The following MYO16 variants were observed in gnomAD, a reference collection of about 807,000 sequenced individuals.
MYO16 encodes unconventional myosin-XVI.
Under a neutral mutation model 205.3 loss-of-function variants are expected in MYO16, and 94 were observed. The observed-to-expected ratio is 0.46, with a 90% CI of 0.39 to 0.54. The LOEUF (loss-of-function observed/expected upper bound fraction) is 0.54, where lower values mean the gene tolerates loss of function less well. Among genes scored for constraint, MYO16 ranks in the 20% least tolerant of loss-of-function variants. MYO16 has a pLI of 0.00. For missense variants in MYO16, 2,315 were observed against 2,387.5 expected (o/e 0.97, Z 0.63); for synonymous variants, 988 against 954.0 (o/e 1.04, Z -0.66).
chr13:108,946,933 G>A (rs995776353), intron 16 of MYO16, among the ~76,000 whole-genome samples: 1 of 151,970 alleles, frequency 6.6e-6, no homozygotes, highest in Non-Finnish European at 1.5e-5. Flanking sequence ...GTAGAGACTG[G>A]GTAATTAAAA....
At chr13:109,077,209 G>A (rs952215555) in intron 27 of MYO16, among the ~76,000 whole-genome samples, 2 of 151,940 alleles carry the variant, frequency 1.3e-5, no homozygotes, top group South Asian at 2.1e-4. Context: ...TAGTAGAGAC[G>A]GGATTTTGCG....
At chr13:108,636,987 A>G (rs1880282096) in intron 1 of MYO16, among the ~76,000 whole-genome samples, 1 of 152,234 alleles carries the variant, frequency 6.6e-6, no homozygotes, top group Non-Finnish European at 1.5e-5. Flanking sequence ...GATAGAAATC[A>G]TCAAATATGC....
intron 1 of MYO16, among the ~76,000 whole-genome samples, chr13:108,607,642 G>A (rs1879009936): frequency 6.6e-6 from 1 of 152,058 alleles, no homozygotes; most frequent in African/African-American, 2.4e-5. Context: ...ATAGCAGCAG[G>A]AAAATAAACT....
intron 23 of MYO16, among the ~76,000 whole-genome samples, chr13:109,044,109 C>CTACATGACCATG: frequency 6.6e-6 from 1 of 151,778 alleles, no homozygotes; most frequent in Non-Finnish European, 1.5e-5. Context: ...CCATGTCATT[C>CTACATGACCATG]ACTACAATTA....
the MYO16 span, among the ~76,000 whole-genome samples, chr13:108,573,328 T>C: frequency 1.3e-5 from 2 of 152,324 alleles, no homozygotes; most frequent in East Asian, 1.9e-4. Context: ...GTGGTAAATA[T>C]AGGTTACTTT....
the MYO16 span, among the ~76,000 whole-genome samples, chr13:108,523,277 T>A: frequency 2.6e-5 from 4 of 152,188 alleles, no homozygotes; most frequent in Non-Finnish European, 5.9e-5. Flanking sequence ...AAACTCAGAT[T>A]TCTGAATAAA....
At position 109,023,670 on chromosome 13, in the gene MYO16, A is replaced by AATATATGTATATATATATATATGT. The variant is rs1886222649; in HGVS notation, c.2796+3774_2796+3775insTATATATGTATATATGTATATATA. 1.8e-4 allele frequency among the ~76,000 whole-genome samples: 12 copies of AATATATGTATATATATATATATGT among 64,874 alleles called. 1 individual carries two copies. The highest frequency in any genetic ancestry group is 5.9e-4 in the African/African-American group (12 of 20,476). 42.6% of individuals were successfully genotyped at this position (64,874 alleles called of 152,430 possible). On this transcript the variant is annotated intron_variant, in intron 23 of 34. Transcript: ENST00000457511. ...ATATATGTATATATGTATATATGCA[A>AATATATGTATATATATATATATGT]ATATATGTATATATACATATATATG...
chr13:108,551,555 T>A, the MYO16 span, among the ~76,000 whole-genome samples: 2 of 152,196 alleles, frequency 1.3e-5, no homozygotes, highest in Non-Finnish European at 2.9e-5. Flanking sequence ...AACTGTCCTA[T>A]CTATGTATCT....
the MYO16 span, among the ~76,000 whole-genome samples, chr13:108,526,885 G>T: frequency 2.6e-5 from 4 of 152,156 alleles, no homozygotes; most frequent in Non-Finnish European, 5.9e-5. Flanking sequence ...TACTGTCAGG[G>T]TTATAACAAG....
chr13:108,767,324 G>A (rs1420931657), intron 4 of MYO16, among the ~76,000 whole-genome samples: 1 of 152,066 alleles, frequency 6.6e-6, no homozygotes, highest in Non-Finnish European at 1.5e-5. Flanking sequence ...GGACGGTCTC[G>A]ATCTCCTGAC....
At chr13:108,730,094 A>G (rs1397533699) in intron 4 of MYO16, among the ~76,000 whole-genome samples, 1 of 152,184 alleles carries the variant, frequency 6.6e-6, no homozygotes, top group Non-Finnish European at 1.5e-5. Context: ...AGCATATGAT[A>G]AGGTTCGGCC....
intron 1 of MYO16, among the ~76,000 whole-genome samples, chr13:108,660,690 A>T (rs1881464396): frequency 6.6e-6 from 1 of 152,170 alleles, no homozygotes. Flanking sequence ...GAGTCTCTTG[A>T]AGGCAGCAGA....
intron 14 of MYO16, among the ~76,000 whole-genome samples, chr13:108,896,149 A>G (rs1022967712): frequency 1.3e-5 from 2 of 152,190 alleles, no homozygotes; most frequent in Non-Finnish European, 2.9e-5. Context: ...TTCCAAGAAT[A>G]ATCAAAACAT....
the MYO16 span, among the ~76,000 whole-genome samples, chr13:108,555,788 A>T: frequency 6.6e-6 from 1 of 151,754 alleles, no homozygotes; most frequent in Non-Finnish European, 1.5e-5. Flanking sequence ...TCATTATTCT[A>T]CTCTCTACTT....
rs157024 is a variant in MYO16 at position 109,125,155 on chromosome 13, A to T, written c.3579A>T (p.Ile1193=). The T allele has an allele frequency of 6.2e-7, 1 of 1,613,876 alleles. No individual in the cohort carries two copies. The highest frequency in any genetic ancestry group is 1.3e-5 in the African/African-American group (1 of 75,012). The change falls in exon 30 of 35, where the codon ATA becomes ATT. Residue 1193 remains isoleucine, a synonymous_variant. Coordinates refer to ENST00000457511, the MANE Select transcript of MYO16 (RefSeq NM_001198950.3). This position sits in a 1 kb window ranked among gnomAD's most constrained non-coding sequence, Gnocchi z 4.0. ...CACGCCAGCACCTGCTTCAGAGAATAAGCATCAGACAACAAGAGGTGACTT... is the reference window on the plus strand; with the variant it reads ...CACGCCAGCACCTGCTTCAGAGAATTAGCATCAGACAACAAGAGGTGACTT... The part of the protein sequence containing the change: ...FLARQHLLQR[I]SIRQQEVTSI...
At chr13:108,686,548 T>C (rs1887123) in intron 2 of MYO16, among the ~76,000 whole-genome samples, 1 of 151,938 alleles carries the variant, frequency 6.6e-6, no homozygotes, top group Non-Finnish European at 1.5e-5. Flanking sequence ...CCAGGGGATA[T>C]GGAGGTGATC....
At chr13:108,753,766 AT>A (rs1177342648) in intron 4 of MYO16, among the ~76,000 whole-genome samples, 1 of 152,246 alleles carries the variant, frequency 6.6e-6, no homozygotes, top group Non-Finnish European at 1.5e-5. Flanking sequence ...TAAAATGACA[AT>A]TAGCTGGAAA....
At position 108,949,035 on chromosome 13, in the gene MYO16, AGTT is replaced by A. The variant is rs1295448084; in HGVS notation, c.1926-8646_1926-8644del. 2.0e-5 allele frequency among the ~76,000 whole-genome samples: 3 copies of A among 152,356 alleles called. No individual in the cohort carries two copies. The East Asian group carries it at 5.8e-4, about 29-fold the overall frequency. ...TAATTAGAAATAGCACATAGTCAAC[AGTT>A]GTTGTTACAGACTTATTTTCAATAA... On this transcript the variant is annotated intron_variant, in intron 16 of 34. Transcript: ENST00000457511.
In MYO16 at chr13:108,976,943, A is replaced by C. The variant is rs1884282453; in HGVS notation, c.2369+12041A>C. On this transcript the variant is annotated intron_variant, in intron 20 of 34. Coordinates refer to ENST00000457511, the MANE Select transcript of MYO16 (RefSeq NM_001198950.3). ...GTTATCATAAAAGACGTAGATGATTACAACTAAAAGCCAAGATTCCTTTTG... is the reference window on the plus strand; with the variant it reads ...GTTATCATAAAAGACGTAGATGATTCCAACTAAAAGCCAAGATTCCTTTTG... 1.3e-5 allele frequency among the ~76,000 whole-genome samples: 2 copies of C among 152,342 alleles called. 1 individual carries two copies.
Sources: gnomAD v4.1 joint callset for allele counts (sites outside exome capture counted in the v4.1 genomes callset) on GRCh38, gnomAD v4.1.1 for gene constraint, Gnocchi (gnomAD v3.1) non-coding constraint, MANE v1.5 for transcripts, NCBI Gene and HGNC (gene_info 2026-07-23, HGNC 2026-07-21) for gene names.